SLIT2: variants seen among roughly 807,000 people sequenced by gnomAD.
The protein encoded by SLIT2 is slit homolog 2 protein.
Under a neutral mutation model 185.7 loss-of-function variants are expected in SLIT2, and 41 were observed. The ratio of observed to expected loss-of-function variants is 0.22; its 90% confidence interval spans 0.17 to 0.29. The LOEUF is 0.29. SLIT2 is among the 10% of genes least tolerant of loss of function. The pLI is 1.00. For synonymous variants in SLIT2, 693 were observed against 680.2 expected, an observed-to-expected ratio of 1.02 and a Z score of -0.29; for missense variants, 1,571 against 1,909.0, an observed-to-expected ratio of 0.82 and a Z score of 3.30.
intron 3 of SLIT2, among the ~76,000 whole-genome samples, chr4:20,263,907 T>A (rs1172519109): frequency 6.6e-6 from 1 of 151,820 alleles, no homozygotes; most frequent in African/African-American, 2.4e-5. Flanking sequence ...TATGATCCAT[T>A]TGACTTTTTA....
intron 4 of SLIT2, among the ~76,000 whole-genome samples, chr4:20,319,439 T>A (rs1012572079): frequency 1.3e-5 from 2 of 152,200 alleles, no homozygotes; most frequent in African/African-American, 4.8e-5. Context: ...ATTATAAAAC[T>A]AAATTTGAAA....
At chr4:20,270,614 T>G (rs1330117980) in intron 4 of SLIT2, among the ~76,000 whole-genome samples, 1 of 151,944 alleles carries the variant, frequency 6.6e-6, no homozygotes. Context: ...TTTATGTGTC[T>G]TTCTGGCTCA....
intron 26 of SLIT2, among the ~76,000 whole-genome samples, chr4:20,556,761 G>GA: frequency 2.0e-5 from 3 of 151,980 alleles, no homozygotes; most frequent in African/African-American, 7.3e-5. Context: ...AATGTAGCAA[G>GA]GAAGGCCACG....
chr4:20,546,610 T>C (rs139996063), intron 22 of SLIT2, among the ~76,000 whole-genome samples: 32 of 152,246 alleles, frequency 2.1e-4, no homozygotes, highest in African/African-American at 6.7e-4. Context: ...ATGTAGTGTT[T>C]AAGTAAACTT....
chr4:20,406,792 A>G (rs1466344919), intron 4 of SLIT2, among the ~76,000 whole-genome samples: 1 of 144,192 alleles, frequency 6.9e-6, no homozygotes, highest in Non-Finnish European at 1.5e-5. Flanking sequence ...CCTATGGTCT[A>G]GCAATGCCAC....
intron 4 of SLIT2, among the ~76,000 whole-genome samples, chr4:20,434,355 G>A (rs534760320): frequency 8.5e-5 from 13 of 152,146 alleles, no homozygotes; most frequent in Admixed American, 5.9e-4. Context: ...GCGTGGTGGC[G>A]CATGCCTGTA....
chr4:20,313,026 T>G lies in SLIT2; in HGVS notation c.395+44145T>G, dbSNP rs565437929. ...TGATTGGGTTAACTGTTTCTAGGCTTGAGGGAGAATTTTGCTTGTAAACCG... is the reference window on the plus strand; with the variant it reads ...TGATTGGGTTAACTGTTTCTAGGCTGGAGGGAGAATTTTGCTTGTAAACCG... On this transcript the variant is annotated intron_variant, in intron 4 of 36. Transcript: ENST00000504154. 5.9e-5 allele frequency among the ~76,000 whole-genome samples: 9 copies of G among 152,286 alleles called. No individual in the cohort carries two copies. In the South Asian group the frequency reaches 1.7e-3, roughly 28 times the overall value.
At chr4:20,388,306 A>C (rs2109358761) in intron 4 of SLIT2, among the ~76,000 whole-genome samples, 1 of 152,304 alleles carries the variant, frequency 6.6e-6, no homozygotes, top group East Asian at 1.9e-4. Context: ...ATATTTGATA[A>C]AAGACTTGTA....
chr4:20,348,565 CA>C (rs1452646304), intron 4 of SLIT2, among the ~76,000 whole-genome samples: 1 of 152,026 alleles, frequency 6.6e-6, no homozygotes, highest in African/African-American at 2.4e-5. Flanking sequence ...ACATTTTTAG[CA>C]AGCTTCCAGA....
rs1281627568 is a variant in SLIT2, at chr4:20,600,413, ATT to A, written c.3692+2043_3692+2044del. Among the ~76,000 whole-genome samples, 37 of 89,504 alleles carry A rather than the reference ATT, an allele frequency of 4.1e-4. 1 individual carries two copies. Among genetic ancestry groups the A allele is most frequent in the African/African-American group, 2.0e-3 (36 of 17,932 alleles). The allele number at this position is 89,504 out of a possible 152,430, so 58.7% of individuals were successfully genotyped here. On this transcript the variant is annotated intron_variant, in intron 33 of 36. Coordinates refer to ENST00000504154, the MANE Select transcript of SLIT2 (RefSeq NM_004787.4). ...ATTTATAAAGGGACTATTATGTTGC[ATT>A]TTTTTTTTTTTTTTTTTTTTTTTTG...
chr4:20,556,990 A>G (rs1724313476), intron 26 of SLIT2, among the ~76,000 whole-genome samples: 1 of 152,068 alleles, frequency 6.6e-6, no homozygotes, highest in African/African-American at 2.4e-5. Context: ...ACAAAACCCT[A>G]ACCTAAAGCA....
intron 4 of SLIT2, among the ~76,000 whole-genome samples, chr4:20,371,252 G>A (rs1319443251): frequency 6.6e-6 from 1 of 151,822 alleles, no homozygotes; most frequent in Admixed American, 6.6e-5. Context: ...TTCTCACACA[G>A]TCACTCATAC....
chr4:20,417,486 G>A (rs865866739), intron 4 of SLIT2, among the ~76,000 whole-genome samples: 3 of 129,348 alleles, frequency 2.3e-5, no homozygotes, highest in East Asian at 2.1e-4. Context: ...GTACATATAC[G>A]TATATATACA....
intron 4 of SLIT2, among the ~76,000 whole-genome samples, chr4:20,315,818 A>G (rs969084023): frequency 1.3e-5 from 2 of 152,092 alleles, no homozygotes; most frequent in Non-Finnish European, 2.9e-5. Context: ...TGAGAATTCT[A>G]TAGCCATGGG....
intron 4 of SLIT2, among the ~76,000 whole-genome samples, chr4:20,367,234 A>G (rs572434403): frequency 8.5e-4 from 129 of 152,268 alleles, no homozygotes; most frequent in African/African-American, 2.9e-3. Flanking sequence ...TTGCTTGCTT[A>G]CTCTGTGATA....
chr4:20,539,462 A>T lies in SLIT2; in HGVS notation c.1854A>T (p.Ile618=). The change falls in exon 19 of 37, where the codon ATA becomes ATT. Residue 618 remains isoleucine (I), a synonymous_variant. Coordinates refer to ENST00000504154, the MANE Select transcript of SLIT2 (RefSeq NM_004787.4). ...LKTLMLRSNR[I]TCVGNDSFIG... ...TCAGGATGTTGAGAAGCAATCGAAT[A>T]ACCTGTGTGGGGAATGACAGTTTCA... 6.2e-7 allele frequency: 1 copy of T among 1,613,032 alleles called. No homozygotes were observed. The highest frequency in any genetic ancestry group is 8.5e-7 in the Non-Finnish European group (1 of 1,179,594).
chr4:20,541,379 G>A (rs1470890023), intron 19 of SLIT2, 74 bp from the exon 20 acceptor site: 3 of 1,290,016 alleles, frequency 2.3e-6, no homozygotes, highest in Non-Finnish European at 3.3e-6. Context: ...CGTGGAGAAG[G>A]GTAGCTGGGG....
intron 4 of SLIT2, among the ~76,000 whole-genome samples, chr4:20,447,352 T>A (rs1237561495): frequency 1.3e-5 from 2 of 152,180 alleles, no homozygotes; most frequent in African/African-American, 4.8e-5. Flanking sequence ...ATGCATTGCC[T>A]TCCTAGAGGA....
At chr4:20,406,543 T>A (rs1726789735) in intron 4 of SLIT2, among the ~76,000 whole-genome samples, 1 of 143,858 alleles carries the variant, frequency 7.0e-6, no homozygotes, top group Admixed American at 7.1e-5. Flanking sequence ...CATAAATACA[T>A]TAAAAAGTGC....
Sources: allele counts gnomAD v4.1 joint callset (sites outside exome capture counted in the v4.1 genomes callset), GRCh38; gene constraint gnomAD v4.1.1; transcripts MANE v1.5; gene names NCBI Gene and HGNC (gene_info 2026-07-23, HGNC 2026-07-21).